The following SV2C variants were observed in gnomAD, a reference collection of about 807,000 sequenced individuals.
The protein encoded by SV2C is synaptic vesicle glycoprotein 2C.
Under a neutral mutation model 79.7 loss-of-function variants are expected in SV2C, and 49 were observed. The ratio of observed to expected loss-of-function variants is 0.61; its 90% CI spans 0.49 to 0.78. SV2C has a LOEUF of 0.78. Ranked by LOEUF, SV2C falls within the 30% of genes least tolerant of loss-of-function variation. SV2C has a pLI of 0.00. For missense variants in SV2C, 833 were observed against 912.9 expected, an observed-to-expected ratio of 0.91 and a Z score of 1.13; for synonymous variants, 334 against 333.2, an observed-to-expected ratio of 1.00 and a Z score of -0.03.
At chr5:76,018,999 T>C in the SV2C span, among the ~76,000 whole-genome samples, 1 of 152,204 alleles carries the variant, frequency 6.6e-6, no homozygotes, top group Non-Finnish European at 1.5e-5. Flanking sequence ...AGGGATCCTT[T>C]TGAGTGTGGT....
the SV2C span, among the ~76,000 whole-genome samples, chr5:76,050,078 A>G: frequency 2.5e-3 from 375 of 152,334 alleles, 1 homozygote; most frequent in Admixed American, 6.6e-3. Context: ...CCTACCCCAT[A>G]AAGGCACTGA....
intron 12 of SV2C, among the ~76,000 whole-genome samples, chr5:76,304,120 C>A (rs759162611): frequency 6.6e-6 from 1 of 152,198 alleles, no homozygotes; most frequent in South Asian, 2.1e-4. Flanking sequence ...CACACCAGCA[C>A]GATAACACAA....
chr5:76,120,013 T>C (rs10060618), intron 1 of SV2C, among the ~76,000 whole-genome samples: 1 of 152,018 alleles, frequency 6.6e-6, no homozygotes, highest in Non-Finnish European at 1.5e-5. Context: ...GGTTTTTGAA[T>C]GTTTTCATGA....
chr5:76,108,842 CGT>C (rs1748011360), intron 1 of SV2C, among the ~76,000 whole-genome samples: 1 of 152,126 alleles, frequency 6.6e-6, no homozygotes, highest in South Asian at 2.1e-4. Context: ...GGTTGTTTGG[CGT>C]CATGTAGACA....
At chr5:75,888,379 A>G in the SV2C span, among the ~76,000 whole-genome samples, 1 of 151,844 alleles carries the variant, frequency 6.6e-6, no homozygotes, top group African/African-American at 2.4e-5. Context: ...ACTCTTTACC[A>G]TGGATTTCAA....
At chr5:76,248,048 C>T (rs1745998920) in intron 4 of SV2C, among the ~76,000 whole-genome samples, 1 of 152,138 alleles carries the variant, frequency 6.6e-6, no homozygotes, top group Non-Finnish European at 1.5e-5. Context: ...TGCTAATGAT[C>T]AAGTTATATG....
chr5:76,138,264 A>G (rs1749134451), intron 2 of SV2C, among the ~76,000 whole-genome samples: 1 of 152,152 alleles, frequency 6.6e-6, no homozygotes, highest in South Asian at 2.1e-4. Flanking sequence ...GAACACATAT[A>G]CCAACTCTTA....
chr5:75,919,247 G>C, the SV2C span, among the ~76,000 whole-genome samples: 1 of 152,132 alleles, frequency 6.6e-6, no homozygotes, highest in African/African-American at 2.4e-5. Flanking sequence ...AGATCAGAGA[G>C]AAAAAAACAT....
intron 4 of SV2C, among the ~76,000 whole-genome samples, chr5:76,224,760 AG>A (rs1182815205): frequency 1.3e-5 from 2 of 152,210 alleles, no homozygotes; most frequent in Non-Finnish European, 2.9e-5. Flanking sequence ...TAATTTGCCC[AG>A]GTTGTTAAGG....
At chr5:75,947,023 C>G in the SV2C span, among the ~76,000 whole-genome samples, 3 of 152,192 alleles carry the variant, frequency 2.0e-5, no homozygotes, top group Middle Eastern at 6.8e-3. Context: ...GGTCAGTGAC[C>G]ATGCCTTCAC....
At chr5:76,134,315 C>A (rs1561230784) in intron 2 of SV2C, among the ~76,000 whole-genome samples, 1 of 152,206 alleles carries the variant, frequency 6.6e-6, no homozygotes, top group Non-Finnish European at 1.5e-5. Context: ...GCCTTCCAGA[C>A]TTGCATTTCA....
upstream of SV2C, chr5:76,079,032 C>G (rs772335623): frequency 1.7e-4 from 70 of 419,084 alleles, no homozygotes; most frequent in South Asian, 3.1e-4. Flanking sequence ...GGGCCATCAA[C>G]AGACATTGGT....
At chr5:75,969,339 T>G in the SV2C span, among the ~76,000 whole-genome samples, 1 of 152,144 alleles carries the variant, frequency 6.6e-6, no homozygotes, top group African/African-American at 2.4e-5. Context: ...TAACCTTAAA[T>G]GTAAATGGGC....
intron 4 of SV2C, among the ~76,000 whole-genome samples, chr5:76,215,796 G>C (rs577687559): frequency 6.6e-6 from 1 of 152,210 alleles, no homozygotes; most frequent in South Asian, 2.1e-4. Context: ...TTGCTCTGGA[G>C]AGAAGGAATG....
chr5:76,130,821 G>C (rs765436342), intron 1 of SV2C, among the ~76,000 whole-genome samples: 9 of 152,136 alleles, frequency 5.9e-5, no homozygotes, highest in Non-Finnish European at 1.2e-4. Context: ...GAGAGGGAGA[G>C]AGAGAGAGTG....
chr5:75,880,301 G>C, the SV2C span, among the ~76,000 whole-genome samples: 1 of 148,200 alleles, frequency 6.7e-6, no homozygotes, highest in Non-Finnish European at 1.5e-5. Context: ...TTCTTTTATA[G>C]CACTGGCTAG....
the SV2C span, among the ~76,000 whole-genome samples, chr5:75,902,504 C>A: frequency 9.2e-5 from 14 of 152,192 alleles, no homozygotes; most frequent in Non-Finnish European, 1.9e-4. Flanking sequence ...TAAAAAGGAA[C>A]CTTTGGATTT....
chr5:75,918,304 CT>C, the SV2C span, among the ~76,000 whole-genome samples: 1 of 152,168 alleles, frequency 6.6e-6, no homozygotes, highest in African/African-American at 2.4e-5. Flanking sequence ...AGACAAATTT[CT>C]TTTTGGTGTG....
At chr5:75,865,771 C>T in the SV2C span, among the ~76,000 whole-genome samples, 2 of 152,198 alleles carry the variant, frequency 1.3e-5, no homozygotes, top group Admixed American at 6.5e-5. Context: ...GTTAATGCCA[C>T]GTAGAACGTT....
Sources: gnomAD v4.1 joint callset for allele counts (sites outside exome capture counted in the v4.1 genomes callset) on GRCh38, gnomAD v4.1.1 for gene constraint, MANE v1.5 for transcripts, NCBI Gene and HGNC (gene_info 2026-07-23, HGNC 2026-07-21) for gene names.